Variants in PLCH2 observed in about 807,000 individuals in gnomAD.
PLCH2 encodes the protein phospholipase C eta 2, also known as 1-phosphatidylinositol 4,5-bisphosphate phosphodiesterase eta-2.
PLCH2 carries 98 observed loss-of-function variants against 134.7 expected under a neutral mutation model. That is an observed-to-expected ratio of 0.73 (90% CI 0.62 to 0.86). PLCH2 has a LOEUF of 0.86. PLCH2 is among the 40% of genes least tolerant of loss of function. The probability of loss-of-function intolerance (pLI) is 0.00; values close to 1 mark genes in which losing one functional copy is unlikely to be tolerated. For missense variants in PLCH2, 1,994 were observed against 1,986.6 expected (o/e 1.00, Z -0.07); for synonymous variants, 974 against 827.5 (o/e 1.18, Z -3.04).
chr1:2,423,840 G>T (rs1006225424), upstream of PLCH2, among the ~76,000 whole-genome samples: 2 of 152,140 alleles, frequency 1.3e-5, no homozygotes, highest in Admixed American at 1.3e-4. Flanking sequence ...TGGGGCAGTA[G>T]GCAGCAACAG....
At chr1:2,467,553 C>T (rs999240821) in exon 1 of PLCH2, 2 of 396,890 alleles carry the variant, frequency 5.0e-6, no homozygotes, top group East Asian at 3.6e-5. Context: ...CAGGGGACGC[C>T]GGGGGCCAGC....
chr1:2,467,599 T>C (rs1037637554), exon 1 of PLCH2: 6 of 409,050 alleles, frequency 1.5e-5, no homozygotes, highest in Non-Finnish European at 2.6e-5. Flanking sequence ...TGCCGGTAAC[T>C]GGGATTGGCA....
In PLCH2 at chr1:2,482,182, C is replaced by G. The variant is rs145887798; in HGVS notation, c.645+1870C>G. Among the ~76,000 whole-genome samples the G allele has an allele frequency of 6.4e-3, 975 of 152,332 alleles. 3 individuals carry two copies. Among genetic ancestry groups the G allele is most frequent in the Non-Finnish European group, 9.7e-3 (658 of 68,014 alleles). On this transcript the variant is annotated intron_variant, in intron 4 of 21. Coordinates refer to ENST00000378486, the MANE Select transcript of PLCH2 (RefSeq NM_014638.4). ...GTGTTCTAGGGTGGGGCTCAGGCCCCGAGGGCCTCACTGTCCGAGCATTTT... is the reference window on the plus strand; with the variant it reads ...GTGTTCTAGGGTGGGGCTCAGGCCCGGAGGGCCTCACTGTCCGAGCATTTT...
In PLCH2 at chr1:2,498,126, T is replaced by A. The variant is rs1156306334; in HGVS notation, c.2225-397T>A. 3 of 260,000 alleles carry A rather than the reference T, an allele frequency of 1.2e-5. No homozygotes were observed. The highest frequency in any genetic ancestry group is 2.2e-5 in the Non-Finnish European group (3 of 135,434). 16.1% of individuals were successfully genotyped at this position (260,000 alleles called of 1,614,324 possible). On this transcript the variant is annotated intron_variant, in intron 16 of 21. Coordinates refer to ENST00000378486, the MANE Select transcript of PLCH2 (RefSeq NM_014638.4). This position sits in a 1 kb window ranked among gnomAD's most constrained non-coding sequence, Gnocchi z 5.4. ...GAGCAGGCCTCCCACTAGACCAGGC[T>A]ACTCCTGCTGTGGACCAGCTACTTC...
chr1:2,477,306 C>T (rs1383467580), intron 1 of PLCH2, among the ~76,000 whole-genome samples: 1 of 152,174 alleles, frequency 6.6e-6, no homozygotes, highest in Non-Finnish European at 1.5e-5. Context: ...TAAATCCCTG[C>T]AGCCATACCT....
chr1:2,447,437 T>C (rs1048951429), intron 2 of PLCH2, among the ~76,000 whole-genome samples: 3 of 152,192 alleles, frequency 2.0e-5, no homozygotes, highest in African/African-American at 4.8e-5. Context: ...CCCCAGGTTC[T>C]GCTGTGCTCC....
intron 20 of PLCH2, 119 bp downstream of exon 20, chr1:2,499,839 C>T (rs1643118862): frequency 6.3e-6 from 5 of 791,072 alleles, no homozygotes; most frequent in African/African-American, 1.7e-5. Context: ...GGCCTAGGGT[C>T]CCCTCCCCGG....
chr1:2,477,766 C>T (rs1156911907), intron 1 of PLCH2, among the ~76,000 whole-genome samples: 1 of 152,200 alleles, frequency 6.6e-6, no homozygotes, highest in Non-Finnish European at 1.5e-5. Context: ...ACCACAGCCT[C>T]CCAAGTCCAT....
rs748437541 is a variant in PLCH2, at chr1:2,479,815, C to A, written c.353C>A (p.Pro118His). ...CGCTACCCTGACGGCAGCTTCGACC[C>A]CAACTGCTGCTTCAGCATCTACCAC... is the stretch of plus-strand genomic sequence containing the variant. The part of the protein sequence containing the change: ...FQRYPDGSFD[P>H]NCCFSIYHGS... Residue 118 changes from proline (P) to histidine (H), a missense_variant, in exon 3 of 22, where the codon CCC (proline) becomes CAC (histidine). By Grantham distance (77) the Pro-to-His change is moderately conservative. Coordinates refer to ENST00000378486, the MANE Select transcript of PLCH2 (RefSeq NM_014638.4). The A allele has an allele frequency of 4.4e-6, 7 of 1,602,256 alleles. No individual in the cohort carries two copies. The highest frequency in any genetic ancestry group is 1.7e-4 in the Middle Eastern group (1 of 6,036).
the PLCH2 span, among the ~76,000 whole-genome samples, chr1:2,420,342 G>A: frequency 6.6e-6 from 1 of 152,184 alleles, no homozygotes; most frequent in Admixed American, 6.5e-5. Context: ...CCCAGGTGCA[G>A]GTCTGAAAGC....
At chr1:2,457,501 C>T (rs951429742) in intron 2 of PLCH2, among the ~76,000 whole-genome samples, 5 of 152,158 alleles carry the variant, frequency 3.3e-5, no homozygotes, top group Admixed American at 6.5e-5. Flanking sequence ...GCCTTCCTCC[C>T]GGGACGCTCC....
At chr1:2,475,088 G>A (rs563684194), upstream of PLCH2, among the ~76,000 whole-genome samples, 3 of 152,340 alleles carry the variant, frequency 2.0e-5, no homozygotes, top group East Asian at 5.8e-4. Flanking sequence ...GGTTGGCTCT[G>A]TGCTGACTGC....
rs190858606 is a variant in PLCH2, at chr1:2,427,853, G to A, written c.-178+1816G>A. On this transcript the variant is annotated intron_variant, in intron 1 of 3. Transcript: ENST00000609981. The stretch of plus-strand genomic sequence containing the variant: ...CAGGGGTGGGAGCCGGCTTGGACTC[G>A]CTGGCCCTGAGCAGGTACCTGGGCT... Among the ~76,000 whole-genome samples the A allele has an allele frequency of 1.4e-3, 218 of 152,276 alleles. 1 individual carries two copies. Among genetic ancestry groups the A allele is most frequent in the African/African-American group, 4.9e-3 (205 of 41,564 alleles).
In PLCH2 at chr1:2,487,639, C is replaced by T; in HGVS notation, c.1156C>T (p.His386Tyr). Residue 386 changes from histidine (H) to tyrosine (Y), a missense_variant, in exon 8 of 22, where the codon CAT becomes TAT. Transcript: ENST00000378486. ...GCCCGACGGGGAGCCCATTGTGCAC[C>T]ATGGCTACACTCTGACTTCCAAGAT... ...DGPDGEPIVH[H>Y]GYTLTSKILF... 9 of 1,613,362 alleles carry T rather than the reference C, an allele frequency of 5.6e-6. No individual in the cohort carries two copies. The highest frequency in any genetic ancestry group is 7.6e-6 in the Non-Finnish European group (9 of 1,179,750).
chr1:2,479,879 C>G lies in PLCH2; in HGVS notation c.417C>G (p.Ser139Arg). ...HRESLDLVST[S>R]SEVARTWVTG... ...AGTCGCTGGACCTGGTCTCCACCAG[C>G]AGCGAGGTGGCGCGCACCTGGGTCA... is the stretch of plus-strand genomic sequence containing the variant. Residue 139 changes from serine (S) to arginine (R), a missense_variant, in exon 3 of 22, where the codon AGC becomes AGG. By Grantham distance (110) the Ser-to-Arg change is moderately radical (BLOSUM62 -1). This residue lies in a region of PLCH2 where 1,094 missense variants were observed against 1,234.3 expected (regional missense o/e 0.89). Transcript: ENST00000378486. The G allele has an allele frequency of 1.9e-6, 3 of 1,611,864 alleles. No individual in the cohort carries two copies. The highest frequency in any genetic ancestry group is 2.5e-6 in the Non-Finnish European group (3 of 1,179,586).
At chr1:2,443,882 C>T (rs1639811081) in intron 2 of PLCH2, among the ~76,000 whole-genome samples, 1 of 150,776 alleles carries the variant, frequency 6.6e-6, no homozygotes, top group African/African-American at 2.4e-5. Flanking sequence ...CTGCGCCTCC[C>T]GGCCCGCAGC....
intron 2 of PLCH2, among the ~76,000 whole-genome samples, chr1:2,446,992 T>C (rs1395718139): frequency 6.6e-6 from 1 of 152,090 alleles, no homozygotes; most frequent in Non-Finnish European, 1.5e-5. Context: ...TGGCAGAGGG[T>C]ACCCACCCCA....
intron 9 of PLCH2, 28 bp from the exon 10 acceptor site, chr1:2,489,732 C>T (rs1311653516): frequency 1.3e-6 from 2 of 1,545,612 alleles, no homozygotes; most frequent in African/African-American, 1.4e-5. Context: ...TCTCCAGGGC[C>T]CCTCCCATCA....
chr1:2,485,129 C>T (rs1164662118), intron 5 of PLCH2, among the ~76,000 whole-genome samples: 1 of 152,210 alleles, frequency 6.6e-6, no homozygotes, highest in Non-Finnish European at 1.5e-5. Flanking sequence ...AGCAGACACT[C>T]AGATGCCTCC....
Sources: gnomAD v4.1 joint callset for allele counts (sites outside exome capture counted in the v4.1 genomes callset) on GRCh38, gnomAD v4.1.1 for gene constraint, gnomAD v4.1.1 regional missense constraint, Gnocchi (gnomAD v3.1) non-coding constraint, MANE v1.5 for transcripts, NCBI Gene and HGNC (gene_info 2026-07-23, HGNC 2026-07-21) for gene names.